LOC400499: variants seen among roughly 807,000 people sequenced by gnomAD.
chr16:11,472,015 G>A, the LOC400499 span: 37 of 392,648 alleles, frequency 9.4e-5, no homozygotes, highest in African/African-American at 6.2e-4. Context: ...TGACATTTGG[G>A]ATCAGATCAT....
chr16:11,401,170 C>T, the LOC400499 span: 1 of 398,462 alleles, frequency 2.5e-6, no homozygotes, highest in Non-Finnish European at 4.4e-6. Flanking sequence ...TGAACACACT[C>T]TCCTTCTCCT....
chr16:11,450,742 T>A, the LOC400499 span: 30 of 1,535,990 alleles, frequency 2.0e-5, no homozygotes, highest in Non-Finnish European at 2.6e-5. Flanking sequence ...CAGGACAGCC[T>A]GGAACACAGC....
chr16:11,381,347 C>T, the LOC400499 span, among the ~76,000 whole-genome samples: 15 of 152,168 alleles, frequency 9.9e-5, no homozygotes, highest in Non-Finnish European at 1.6e-4. Context: ...CAAGCAATCT[C>T]GCCTCAGCCT....
the LOC400499 span, chr16:11,412,706 T>C: frequency 2.5e-6 from 1 of 396,002 alleles, no homozygotes; most frequent in Non-Finnish European, 4.4e-6. Flanking sequence ...TTGGCCTCTC[T>C]GAGCCTCCCT....
At chr16:11,436,070 C>T in the LOC400499 span, among the ~76,000 whole-genome samples, 3 of 152,320 alleles carry the variant, frequency 2.0e-5, no homozygotes, top group South Asian at 6.2e-4. Flanking sequence ...ACCCTGGCTC[C>T]AGCTCCTGGC....
chr16:11,493,696 T>G, the LOC400499 span: 3 of 396,730 alleles, frequency 7.6e-6, no homozygotes, highest in Non-Finnish European at 1.3e-5. Context: ...CAGCCGGATC[T>G]CGGGTGTGCT....
chr16:11,462,589 AT>A, the LOC400499 span: 4 of 239,000 alleles, frequency 1.7e-5, no homozygotes, highest in Non-Finnish European at 2.7e-5. Context: ...CACCCGGCTA[AT>A]TTTTTTATTT....
At chr16:11,514,343 G>A in the LOC400499 span, 15 of 399,268 alleles carry the variant, frequency 3.8e-5, no homozygotes, top group Admixed American at 4.8e-4. Context: ...TGGCCACCAG[G>A]GAAGGCTGAG....
the LOC400499 span, among the ~76,000 whole-genome samples, chr16:11,452,877 T>C: frequency 6.6e-6 from 1 of 152,238 alleles, no homozygotes; most frequent in Non-Finnish European, 1.5e-5. Flanking sequence ...TCTAATCTTT[T>C]AGGAAGCTCT....
the LOC400499 span, chr16:11,514,259 G>A: frequency 2.5e-6 from 1 of 398,512 alleles, no homozygotes; most frequent in Non-Finnish European, 4.4e-6. Context: ...AGGTGTCCAG[G>A]CCGGGACAGA....
At chr16:11,428,600 G>T in the LOC400499 span, among the ~76,000 whole-genome samples, 1 of 152,188 alleles carries the variant, frequency 6.6e-6, no homozygotes, top group Non-Finnish European at 1.5e-5. Context: ...CACCATCTTG[G>T]TTTTGGTGGC....
the LOC400499 span, chr16:11,523,397 G>C: frequency 2.5e-6 from 1 of 398,730 alleles, no homozygotes. Context: ...GGTGTGATCA[G>C]GCGTCCTGAG....
At chr16:11,382,111 A>T in the LOC400499 span, among the ~76,000 whole-genome samples, 1 of 150,866 alleles carries the variant, frequency 6.6e-6, no homozygotes, top group African/African-American at 2.4e-5. Flanking sequence ...TAATTTTTGT[A>T]TTTGTGGTAG....
At chr16:11,462,161 GAGA>G in the LOC400499 span, 1 of 1,532,792 alleles carries the variant, frequency 6.5e-7, no homozygotes, top group Non-Finnish European at 8.7e-7. Flanking sequence ...CAGCGATGCG[GAGA>G]AGGCCAGCTT....
the LOC400499 span, among the ~76,000 whole-genome samples, chr16:11,377,191 T>C: frequency 4.6e-5 from 7 of 152,232 alleles, no homozygotes; most frequent in East Asian, 9.6e-4. Flanking sequence ...CTTTTGTATG[T>C]TGATTTTGTA....
At chr16:11,380,048 C>T in the LOC400499 span, among the ~76,000 whole-genome samples, 1 of 152,262 alleles carries the variant, frequency 6.6e-6, no homozygotes, top group South Asian at 2.1e-4. Context: ...ACCTCAAGCC[C>T]CTGGACTCAA....
At chr16:11,456,055 T>C in the LOC400499 span, among the ~76,000 whole-genome samples, 5 of 151,610 alleles carry the variant, frequency 3.3e-5, no homozygotes, top group African/African-American at 1.2e-4. Flanking sequence ...TTTTTTTTTT[T>C]TTTCCTGAGG....
At chr16:11,421,503 A>G in the LOC400499 span, among the ~76,000 whole-genome samples, 1 of 151,948 alleles carries the variant, frequency 6.6e-6, no homozygotes, top group South Asian at 2.1e-4. Context: ...CTGGGTTCAA[A>G]CGATTCTCCT....
At chr16:11,385,398 C>T in the LOC400499 span, 1 of 1,232,268 alleles carries the variant, frequency 8.1e-7, no homozygotes. Flanking sequence ...GTGCTGGGCC[C>T]CAGCCACCAG....
Sources: allele counts gnomAD v4.1 joint callset (sites outside exome capture counted in the v4.1 genomes callset), GRCh38; gene constraint gnomAD v4.1.1; transcripts MANE v1.5.